The following DYSF variants were observed in gnomAD, a reference collection of about 807,000 sequenced individuals.
DYSF encodes the protein dystrophy-associated fer-1-like 1.
A neutral mutation model predicts 274.9 loss-of-function variants in DYSF; 212 were observed. That is an observed-to-expected ratio of 0.77 (90% CI 0.69 to 0.86). The LOEUF (loss-of-function observed/expected upper bound fraction) is 0.86, where lower values mean the gene tolerates loss of function less well. DYSF is among the 40% of genes least tolerant of loss of function. DYSF has a pLI of 0.00. For synonymous variants in DYSF, 1,091 were observed against 1,078.7 expected, an observed-to-expected ratio of 1.01 and a Z score of -0.22; for missense variants, 2,666 against 2,783.2, an observed-to-expected ratio of 0.96 and a Z score of 0.95.
At chr2:71,471,693 G>A (rs567228065) in intron 1 of DYSF, among the ~76,000 whole-genome samples, 20 of 152,306 alleles carry the variant, frequency 1.3e-4, no homozygotes, top group Non-Finnish European at 2.4e-4. Flanking sequence ...CAGGGGGCCG[G>A]GTGTGGTGGC....
At position 71,466,769 on chromosome 2, in the gene DYSF, G is replaced by A. The variant is rs1334469426; in HGVS notation, c.-74G>A. 1 of 1,421,978 alleles carries A rather than the reference G, an allele frequency of 7.0e-7. No individual in the cohort carries two copies. The highest frequency in any genetic ancestry group is 1.5e-5 in the African/African-American group (1 of 67,684). 88.1% of individuals were successfully genotyped at this position (1,421,978 alleles called of 1,614,324 possible). A position where few individuals can be genotyped will look rare whatever the true frequency, so the allele number is the denominator to read the frequency against. On this transcript the variant is annotated 5_prime_UTR_variant, in exon 1 of 56. Transcript: ENST00000410020. ...GCTGCCTGGGAGCCGGGCGCTTGCT[G>A]GGTGGGTGCTCGGGCCCGGTGCTCC... is the stretch of plus-strand genomic sequence containing the variant.
chr2:71,668,194 T>C (rs1002487665), intron 48 of DYSF, among the ~76,000 whole-genome samples: 1 of 152,176 alleles, frequency 6.6e-6, no homozygotes, highest in Non-Finnish European at 1.5e-5. Flanking sequence ...AACTGAGCTC[T>C]CTCTCCACCT....
At chr2:71,484,208 A>G (rs540842446) in intron 3 of DYSF, among the ~76,000 whole-genome samples, 61 of 151,808 alleles carry the variant, frequency 4.0e-4, no homozygotes, top group African/African-American at 1.5e-3. Context: ...GCCCACCACC[A>G]CACCTGGCTA....
intron 3 of DYSF, among the ~76,000 whole-genome samples, chr2:71,491,236 T>C (rs947025867): frequency 6.6e-6 from 1 of 152,212 alleles, no homozygotes; most frequent in Admixed American, 6.5e-5. Context: ...TTTGGGTTGC[T>C]CGTCTTTTCC....
intron 3 of DYSF, among the ~76,000 whole-genome samples, chr2:71,485,781 GA>G (rs1445619022): frequency 3.9e-5 from 6 of 152,082 alleles, no homozygotes; most frequent in Non-Finnish European, 7.4e-5. Context: ...GAAAGAAAAG[GA>G]AAAAACTTCA....
intron 12 of DYSF, 101 bp downstream of exon 12, chr2:71,521,005 A>C: frequency 1.1e-6 from 1 of 928,344 alleles, no homozygotes; most frequent in East Asian, 2.6e-5. Context: ...TTTCTGATTT[A>C]AACTAATATG....
chr2:71,558,801 G>C (rs1449716908), intron 22 of DYSF, among the ~76,000 whole-genome samples: 1 of 152,130 alleles, frequency 6.6e-6, no homozygotes, highest in East Asian at 1.9e-4. Context: ...GTCCTCTTGA[G>C]AATGCATAAT....
intron 20 of DYSF, 143 bp downstream of exon 20, chr2:71,553,331 C>T: frequency 8.4e-7 from 1 of 1,192,148 alleles, no homozygotes; most frequent in Non-Finnish European, 1.2e-6. Context: ...TCCAGCTGTC[C>T]CCTTGCTCTC....
intron 41 of DYSF, among the ~76,000 whole-genome samples, chr2:71,627,404 T>C (rs2094226398): frequency 6.6e-6 from 1 of 152,102 alleles, no homozygotes; most frequent in Admixed American, 6.5e-5. Flanking sequence ...TCTTTTGTTA[T>C]TGATTTCTAG....
At chr2:71,482,551 G>A (rs1466854763) in intron 3 of DYSF, among the ~76,000 whole-genome samples, 4 of 152,176 alleles carry the variant, frequency 2.6e-5, no homozygotes, top group South Asian at 4.2e-4. Flanking sequence ...CTTGGTGGGG[G>A]GATCAAAGTT....
At chr2:71,459,885 A>C (rs1012330239) in intron 1 of DYSF, among the ~76,000 whole-genome samples, 22 of 152,114 alleles carry the variant, frequency 1.4e-4, no homozygotes, top group Non-Finnish European at 2.5e-4. Flanking sequence ...AACCTCTGTC[A>C]GCCCCGAAAC....
At chr2:71,609,404 T>C (rs2152871624) in intron 36 of DYSF, among the ~76,000 whole-genome samples, 1 of 152,338 alleles carries the variant, frequency 6.6e-6, no homozygotes, top group East Asian at 1.9e-4. Flanking sequence ...CTCTGAAAGA[T>C]GCTTCTAATG....
intron 54 of DYSF, 140 bp from the exon 55 acceptor site, chr2:71,682,390 T>C: frequency 9.9e-7 from 1 of 1,013,250 alleles, no homozygotes. Context: ...TGCAAAGGGC[T>C]AGTTTAGGGA....
chr2:71,562,218 C>T lies in DYSF; in HGVS notation c.2409+274C>T, dbSNP rs189958084. ...ATGCCCTCTGTTTGCCAAAGTATGTCAGAGACAGAGCTGGGACCAGAATCC... is the reference window on the plus strand; with the variant it reads ...ATGCCCTCTGTTTGCCAAAGTATGTTAGAGACAGAGCTGGGACCAGAATCC... On this transcript the variant is annotated intron_variant, in intron 23 of 55. Transcript: ENST00000410020. Among the ~76,000 whole-genome samples the T allele has an allele frequency of 1.9e-3, 284 of 152,290 alleles. 1 individual carries two copies. The highest frequency in any genetic ancestry group is 3.2e-3 in the Non-Finnish European group (220 of 68,032).
chr2:71,667,608 C>A, intron 48 of DYSF, 93 bp downstream of exon 48: 1 of 1,560,468 alleles, frequency 6.4e-7, no homozygotes, highest in Non-Finnish European at 8.7e-7. Context: ...GCCAGTGGGT[C>A]CCTTGAGATT....
intron 12 of DYSF, among the ~76,000 whole-genome samples, chr2:71,525,451 T>C (rs1421765711): frequency 6.6e-6 from 1 of 152,162 alleles, no homozygotes; most frequent in Non-Finnish European, 1.5e-5. Flanking sequence ...CTTGAACTCC[T>C]GACCTCAGGT....
chr2:71,659,133 A>G (rs2094831550), intron 44 of DYSF, 100 bp downstream of exon 44: 4 of 1,515,060 alleles, frequency 2.6e-6, no homozygotes, highest in Middle Eastern at 1.9e-4. Context: ...AGTTCATAGT[A>G]GGTTGGGAAA....
chr2:71,517,012 G>A lies in DYSF; in HGVS notation c.975G>A (p.Arg325=). 1 of 1,614,162 alleles carries A rather than the reference G, an allele frequency of 6.2e-7. No individual in the cohort carries two copies. Among genetic ancestry groups the A allele is most frequent in the Non-Finnish European group, 8.5e-7 (1 of 1,180,036 alleles). ...AGGTGGTAGACTCTCGTTCTCTCAG[G>A]ACAGATGCTCTCCTCGGGGAGTTCC... The part of the protein sequence containing the change: ...FITVVDSRSL[R]TDALLGEFRM... The change falls in exon 10 of 56, where the codon AGG becomes AGA. Residue 325 remains arginine (R), a synonymous_variant. Coordinates refer to ENST00000410020, the MANE Select transcript of DYSF (RefSeq NM_001130987.2).
At position 71,656,301 on chromosome 2, in the gene DYSF, G is replaced by A. The variant is rs372900372; in HGVS notation, c.4755+11G>A. ...ATTGGTGAATTTAAGGTAAATCCTCGAAGACGTCCCTAACCCAGGTGGGCC... is the reference window on the plus strand; with the variant it reads ...ATTGGTGAATTTAAGGTAAATCCTCAAAGACGTCCCTAACCCAGGTGGGCC... On this transcript the variant is annotated intron_variant, in intron 43 of 55. Transcript: ENST00000410020. 1.5e-5 allele frequency: 24 copies of A among 1,613,496 alleles called. No homozygotes were observed. In the East Asian group the frequency reaches 1.6e-4, roughly 10 times the overall value.
Sources: gnomAD v4.1 joint callset for allele counts (sites outside exome capture counted in the v4.1 genomes callset) on GRCh38, gnomAD v4.1.1 for gene constraint, MANE v1.5 for transcripts, NCBI Gene and HGNC (gene_info 2026-07-23, HGNC 2026-07-21) for gene names.